EIF4B: variants seen among roughly 807,000 people sequenced by gnomAD.
EIF4B encodes the protein eukaryotic translation initiation factor 4B.
In EIF4B, 8 loss-of-function variants were observed where a neutral mutation model predicts 79.3. The observed-to-expected ratio is 0.10, with a 90% CI of 0.06 to 0.18. The LOEUF (loss-of-function observed/expected upper bound fraction) is 0.18, where lower values mean the gene tolerates loss of function less well. EIF4B is among the 10% of genes least tolerant of loss of function. The pLI is 1.00. For synonymous variants in EIF4B, 238 were observed against 274.7 expected, an observed-to-expected ratio of 0.87 and a Z score of 1.32; for missense variants, 515 against 792.4, an observed-to-expected ratio of 0.65 and a Z score of 4.20.
chr12:53,024,648 CTTTGTTTTGT>C (rs145603743), intron 6 of EIF4B, among the ~76,000 whole-genome samples: 1,737 of 152,016 alleles, frequency 0.011, 30 homozygotes, highest in African/African-American at 0.039. Flanking sequence ...TTTACAAGCT[CTTTGTTTTGT>C]TTTGTTTTGT....
intron 1 of EIF4B, among the ~76,000 whole-genome samples, chr12:53,015,680 C>G (rs1434138291): frequency 7.0e-6 from 1 of 143,606 alleles, no homozygotes; most frequent in African/African-American, 2.6e-5. Context: ...GACCCTGTCT[C>G]AAAAAAAAAA....
chr12:53,009,219 A>G (rs947794299), intron 1 of EIF4B, among the ~76,000 whole-genome samples: 20 of 152,030 alleles, frequency 1.3e-4, no homozygotes, highest in Non-Finnish European at 7.4e-5. Context: ...ATACAGGTTA[A>G]CATTTAAAAT....
intron 2 of EIF4B, 66 bp from the exon 3 acceptor site, chr12:53,018,732 C>T (rs887642707): frequency 6.3e-7 from 1 of 1,578,858 alleles, no homozygotes; most frequent in Non-Finnish European, 8.7e-7. Context: ...AACATGGGTC[C>T]TCTTGTTCTA....
chr12:53,027,742 CAG>C, intron 6 of EIF4B, 38 bp from the exon 7 acceptor site: 1 of 1,591,526 alleles, frequency 6.3e-7, no homozygotes, highest in East Asian at 2.3e-5. Flanking sequence ...TTAATGGTGT[CAG>C]AGAAAAGGGG....
In EIF4B at chr12:53,031,579, G is replaced by A. The variant is rs182981795; in HGVS notation, c.980-2227G>A. On this transcript the variant is annotated intron_variant, in intron 8 of 14. Transcript: ENST00000262056. Reference sequence around the variant, plus strand: ...GGCGTGAGCCACTGTGCCCGGCTGCGTTCTTTTATTAATATCTTAAATGAG... The same window carrying A: ...GGCGTGAGCCACTGTGCCCGGCTGCATTCTTTTATTAATATCTTAAATGAG... Among the ~76,000 whole-genome samples, 80 of 152,204 alleles carry A rather than the reference G, an allele frequency of 5.3e-4. 3 individuals are homozygous for A. The East Asian group carries it at 0.012, about 23-fold the overall frequency.
intron 1 of EIF4B, among the ~76,000 whole-genome samples, chr12:53,013,096 G>A (rs1324168980): frequency 6.6e-6 from 1 of 152,232 alleles, no homozygotes; most frequent in East Asian, 1.9e-4. Context: ...GGTGAGAGTT[G>A]AGAAACTGTG....
intron 14 of EIF4B, 200 bp from the exon 15 acceptor site, chr12:53,039,943 G>A (rs1943603477): frequency 1.1e-5 from 8 of 706,484 alleles, no homozygotes; most frequent in Non-Finnish European, 1.9e-5. Context: ...AGGTGTAGAG[G>A]TGGTATGAGA....
At chr12:53,034,148 T>A in intron 9 of EIF4B, 114 bp downstream of exon 9, 1 of 1,073,296 alleles carries the variant, frequency 9.3e-7, no homozygotes, top group Non-Finnish European at 1.3e-6. Context: ...TGGTTGTCAC[T>A]GATGGGCATT....
intron 1 of EIF4B, among the ~76,000 whole-genome samples, chr12:53,012,972 A>G (rs1943090507): frequency 6.6e-6 from 1 of 152,200 alleles, no homozygotes; most frequent in South Asian, 2.1e-4. Flanking sequence ...TGTGATTTGA[A>G]AAGACATTCT....
At chr12:53,026,668 CTTGGATCA>C (rs1943339696) in intron 6 of EIF4B, among the ~76,000 whole-genome samples, 1 of 152,154 alleles carries the variant, frequency 6.6e-6, no homozygotes, top group Non-Finnish European at 1.5e-5. Flanking sequence ...TTGGCACAAT[CTTGGATCA>C]TTGCAACCTC....
intron 6 of EIF4B, among the ~76,000 whole-genome samples, chr12:53,025,879 G>A (rs1281286260): frequency 3.3e-5 from 5 of 152,062 alleles, no homozygotes; most frequent in East Asian, 1.9e-4. Flanking sequence ...AGGCGGAGGC[G>A]GGCGGATCAT....
chr12:53,027,867 A>T lies in EIF4B; in HGVS notation c.753A>T (p.Arg251=). The change falls in exon 7 of 15, where the codon CGA becomes CGT. Residue 251 remains arginine, a synonymous_variant. Coordinates refer to ENST00000262056, the MANE Select transcript of EIF4B (RefSeq NM_001417.7). ...YRDGPRRDMD[R]YGGRDRYDDR... is the part of the protein sequence containing the mutation. Reference sequence around the variant, plus strand: ...ATGGCCCACGCCGGGATATGGATCGATATGGTGGCCGGGATCGCTATGATG... The same window carrying T: ...ATGGCCCACGCCGGGATATGGATCGTTATGGTGGCCGGGATCGCTATGATG... 6.2e-7 allele frequency: 1 copy of T among 1,614,202 alleles called. No individual in the cohort carries two copies. The highest frequency in any genetic ancestry group is 8.5e-7 in the Non-Finnish European group (1 of 1,180,036).
At chr12:53,032,285 T>C (rs1192330400) in intron 8 of EIF4B, among the ~76,000 whole-genome samples, 1 of 152,066 alleles carries the variant, frequency 6.6e-6, no homozygotes, top group Non-Finnish European at 1.5e-5. Flanking sequence ...CTACTAAAAA[T>C]ACAAAAATTA....
intron 6 of EIF4B, among the ~76,000 whole-genome samples, chr12:53,023,957 C>G (rs1016971714): frequency 2.0e-5 from 3 of 152,166 alleles, no homozygotes; most frequent in African/African-American, 7.2e-5. Flanking sequence ...AACAAAGATA[C>G]AGCAGTGTAA....
intron 1 of EIF4B, chr12:53,013,842 A>G (rs1452156479): frequency 1.3e-5 from 2 of 151,802 alleles, no homozygotes; most frequent in East Asian, 3.9e-4. Context: ...ATGAGACCCA[A>G]CCTCTCTGTA....
intron 1 of EIF4B, chr12:53,012,339 G>A (rs1185905765): frequency 6.6e-6 from 1 of 152,060 alleles, no homozygotes; most frequent in Non-Finnish European, 1.5e-5. Flanking sequence ...CAGATCACCT[G>A]GGGTTGGGAG....
rs990739873 is a variant in EIF4B at position 53,041,289 on chromosome 12, T to A, written c.*1066T>A. 3.3e-5 allele frequency: 5 copies of A among 152,230 alleles called. No individual in the cohort carries two copies. The highest frequency in any genetic ancestry group is 7.3e-5 in the Non-Finnish European group (5 of 68,052). 9.4% of individuals were successfully genotyped at this position (152,230 alleles called of 1,614,324 possible). A position where few individuals can be genotyped will look rare whatever the true frequency, so the allele number is the denominator to read the frequency against. The stretch of plus-strand genomic sequence containing the variant: ...TTTCTTGATGTCTTTTGGTTCTCCT[T>A]GCCTGCTCCTGATGCTTGGACCCCT... On this transcript the variant is annotated 3_prime_UTR_variant, in exon 15 of 15. Coordinates refer to ENST00000262056, the MANE Select transcript of EIF4B (RefSeq NM_001417.7).
intron 1 of EIF4B, among the ~76,000 whole-genome samples, chr12:53,006,819 G>C (rs1345287282): frequency 2.6e-5 from 4 of 151,998 alleles, no homozygotes; most frequent in Non-Finnish European, 4.4e-5. Context: ...TCGTAGACGT[G>C]AATCACCGTG....
chr12:53,033,120 A>G (rs1943476306), intron 8 of EIF4B, among the ~76,000 whole-genome samples: 1 of 151,832 alleles, frequency 6.6e-6, no homozygotes, highest in African/African-American at 2.4e-5. Flanking sequence ...CCCAGGTTCA[A>G]GCGATTCTCC....
Sources: gnomAD v4.1 joint callset for allele counts (sites outside exome capture counted in the v4.1 genomes callset) on GRCh38, gnomAD v4.1.1 for gene constraint, MANE v1.5 for transcripts, NCBI Gene and HGNC (gene_info 2026-07-23, HGNC 2026-07-21) for gene names.